LINGO2: variants seen among roughly 807,000 people sequenced by gnomAD.
LINGO2 encodes the protein leucine rich repeat and Ig domain containing 2, also known as leucine-rich repeat and immunoglobulin-like domain-containing nogo receptor-interacting protein 2.
In LINGO2, 14 loss-of-function variants were observed where a neutral mutation model predicts 30.6. That is an observed-to-expected ratio of 0.46 (90% confidence interval 0.30 to 0.72). The LOEUF (loss-of-function observed/expected upper bound fraction) is 0.72, where lower values mean the gene tolerates loss of function less well. Among genes scored for constraint, LINGO2 ranks in the 30% least tolerant of loss-of-function variants. The pLI is 0.07. For missense variants in LINGO2, 729 were observed against 751.7 expected (o/e 0.97, Z 0.35); for synonymous variants, 317 against 288.5 (o/e 1.10, Z -1.00).
the LINGO2 span, among the ~76,000 whole-genome samples, chr9:28,975,059 G>A: frequency 6.6e-6 from 1 of 152,088 alleles, no homozygotes; most frequent in Non-Finnish European, 1.5e-5. Flanking sequence ...GGACAATTGT[G>A]AAGGCATTAA....
intron 2 of LINGO2, among the ~76,000 whole-genome samples, chr9:28,401,343 G>A (rs1392925223): frequency 1.3e-5 from 2 of 151,788 alleles, no homozygotes; most frequent in Non-Finnish European, 2.9e-5. Context: ...GTGTCCATGT[G>A]TTCTCAATGT....
At chr9:28,314,096 G>A (rs1432188823) in intron 3 of LINGO2, among the ~76,000 whole-genome samples, 3 of 152,202 alleles carry the variant, frequency 2.0e-5, no homozygotes, top group African/African-American at 4.8e-5. Context: ...CACCTCGCCC[G>A]GCTAATTTTT....
chr9:28,032,987 T>C (rs1823755847), intron 4 of LINGO2, among the ~76,000 whole-genome samples: 1 of 152,222 alleles, frequency 6.6e-6, no homozygotes, highest in South Asian at 2.1e-4. Flanking sequence ...AATTTATCCA[T>C]ATGAAATCCT....
the LINGO2 span, among the ~76,000 whole-genome samples, chr9:28,998,914 G>A: frequency 1.3e-5 from 2 of 151,946 alleles, no homozygotes; most frequent in Admixed American, 6.6e-5. Flanking sequence ...ATTTTCTTCC[G>A]CTTCCGTAAT....
chr9:28,881,039 A>C, the LINGO2 span, among the ~76,000 whole-genome samples: 1 of 152,074 alleles, frequency 6.6e-6, no homozygotes, highest in African/African-American at 2.4e-5. Flanking sequence ...AATAATAATC[A>C]ATAAAAACTG....
At chr9:28,606,928 T>C (rs1825717219) in intron 1 of LINGO2, among the ~76,000 whole-genome samples, 1 of 152,108 alleles carries the variant, frequency 6.6e-6, no homozygotes, top group Non-Finnish European at 1.5e-5. Context: ...TTAATTGGCA[T>C]ATTTCATATA....
the LINGO2 span, among the ~76,000 whole-genome samples, chr9:28,802,405 A>T: frequency 1.3e-5 from 2 of 152,064 alleles, no homozygotes; most frequent in Non-Finnish European, 2.9e-5. Flanking sequence ...GTTGTCTATA[A>T]TCATTTAAAA....
the LINGO2 span, among the ~76,000 whole-genome samples, chr9:28,986,918 G>C: frequency 1.3e-5 from 2 of 151,802 alleles, no homozygotes; most frequent in Admixed American, 6.6e-5. Flanking sequence ...GAGAACATCT[G>C]TGTATTTTAT....
chr9:29,161,012 G>A, the LINGO2 span, among the ~76,000 whole-genome samples: 1 of 152,266 alleles, frequency 6.6e-6, no homozygotes, highest in South Asian at 2.1e-4. Flanking sequence ...AAGAAAGAGA[G>A]AGAACCAGCT....
intron 4 of LINGO2, among the ~76,000 whole-genome samples, chr9:28,219,833 G>A (rs1820894812): frequency 6.6e-6 from 1 of 152,054 alleles, no homozygotes; most frequent in Non-Finnish European, 1.5e-5. Flanking sequence ...TTTTCCTCTT[G>A]GAGATTCATA....
Position 28,526,874 on chromosome 9 carries a change from T to C in LINGO2, c.-364-50849A>G, listed in dbSNP as rs535223685. On this transcript the variant is annotated intron_variant, in intron 1 of 5. Coordinates refer to ENST00000379992, the Ensembl canonical transcript of LINGO2. ...ATGAATTATGTATTATTCTAAGAGA[T>C]TATAGCAGCTTCCCTAAAAATTATA... is the stretch of plus-strand genomic sequence containing the variant. Among the ~76,000 whole-genome samples the C allele has an allele frequency of 1.1e-3, 171 of 152,310 alleles. 1 individual carries two copies. The highest frequency in any genetic ancestry group is 3.8e-3 in the African/African-American group (156 of 41,580).
At chr9:28,783,920 T>C in the LINGO2 span, among the ~76,000 whole-genome samples, 2 of 152,298 alleles carry the variant, frequency 1.3e-5, no homozygotes, top group East Asian at 1.9e-4. Context: ...TGCATCCTTA[T>C]GTAGTGGAAA....
chr9:28,883,171 T>C, the LINGO2 span, among the ~76,000 whole-genome samples: 1 of 152,074 alleles, frequency 6.6e-6, no homozygotes, highest in Non-Finnish European at 1.5e-5. Flanking sequence ...TCTGGTCATG[T>C]CAGTCTTCTT....
Position 28,050,145 on chromosome 9 carries a change from G to GA in LINGO2, c.-86-37741_-86-37740insT, listed in dbSNP as rs1393791535. Among the ~76,000 whole-genome samples the GA allele has an allele frequency of 4.0e-5, 6 of 150,568 alleles. 1 individual carries two copies. Among genetic ancestry groups the GA allele is most frequent in the African/African-American group, 1.5e-4 (6 of 40,690 alleles). On this transcript the variant is annotated intron_variant, in intron 4 of 5. Coordinates refer to ENST00000379992, the Ensembl canonical transcript of LINGO2. ...TCAAGTATAACTAGCTCTCTAGTGT[G>GA]GGTGGCTGAGTGAAGCAACTAAAAT...
chr9:28,834,021 C>A, the LINGO2 span, among the ~76,000 whole-genome samples: 1 of 143,668 alleles, frequency 7.0e-6, no homozygotes, highest in African/African-American at 2.5e-5. Flanking sequence ...TTTCTTGTTT[C>A]TTTTTTTTTT....
chr9:28,688,707 A>C, the LINGO2 span, among the ~76,000 whole-genome samples: 1 of 152,172 alleles, frequency 6.6e-6, no homozygotes, highest in Non-Finnish European at 1.5e-5. Context: ...AGATATAATA[A>C]CCTATGTGTA....
the LINGO2 span, among the ~76,000 whole-genome samples, chr9:29,060,412 C>T: frequency 1.4e-4 from 22 of 152,064 alleles, no homozygotes; most frequent in African/African-American, 5.1e-4. Flanking sequence ...AAAATTTAAC[C>T]AGGATAAACT....
In LINGO2 at chr9:28,639,144, T is replaced by C. The variant is rs144410498; in HGVS notation, c.-365+31056A>G. On this transcript the variant is annotated intron_variant, in intron 1 of 5. Transcript: ENST00000379992. The stretch of plus-strand genomic sequence containing the variant: ...GTTGAGCGGTTTTGAGTGAGTTTCT[T>C]AATCCTGAGTTCTAGTTTCATTGCA... Among the ~76,000 whole-genome samples the C allele has an allele frequency of 9.3e-3, 1,415 of 152,324 alleles. 28 individuals carry two copies. The highest frequency in any genetic ancestry group is 0.08 in the East Asian group (415 of 5,182).
At chr9:28,474,944 TTC>T (rs1374326189) in intron 2 of LINGO2, among the ~76,000 whole-genome samples, 2 of 152,136 alleles carry the variant, frequency 1.3e-5, no homozygotes, top group African/African-American at 4.8e-5. Flanking sequence ...TCTGTATATT[TTC>T]TGTCTTCTTT....
Sources: allele counts gnomAD v4.1 joint callset (sites outside exome capture counted in the v4.1 genomes callset), GRCh38; gene constraint gnomAD v4.1.1; transcripts MANE v1.5; gene names NCBI Gene and HGNC (gene_info 2026-07-23, HGNC 2026-07-21).